The following TRIM67 variants were observed in gnomAD, a reference collection of about 807,000 sequenced individuals.
TRIM67 encodes tripartite motif-containing protein 67.
In TRIM67, 39 loss-of-function variants were observed where a neutral mutation model predicts 71.0. The ratio of observed to expected loss-of-function variants is 0.55; its 90% confidence interval spans 0.43 to 0.72. The LOEUF (loss-of-function observed/expected upper bound fraction) is 0.72. Ranked by LOEUF, TRIM67 falls within the 30% of genes least tolerant of loss-of-function variation. The pLI is 0.00. For synonymous variants in TRIM67, 481 were observed against 473.9 expected, an observed-to-expected ratio of 1.01 and a Z score of -0.19; for missense variants, 973 against 1,079.2, an observed-to-expected ratio of 0.90 and a Z score of 1.38.
intron 1 of TRIM67, among the ~76,000 whole-genome samples, chr1:231,164,912 T>TAATTTATAAGTCATAAATTATAAGTC (rs1682410060): frequency 6.6e-6 from 1 of 152,226 alleles, no homozygotes; most frequent in Admixed American, 6.5e-5. Flanking sequence ...TACGTTGTTA[T>TAATTTATAAGTCATAAATTATAAGTC]TATAATTTAA....
intron 1 of TRIM67, among the ~76,000 whole-genome samples, chr1:231,189,344 C>T (rs12075463): frequency 0.19 from 28,627 of 152,018 alleles, 3,746 homozygotes; most frequent in African/African-American, 0.38. Flanking sequence ...CCTTACATGG[C>T]GAAAGAGCTT....
At chr1:231,203,110 T>G (rs1162599285) in intron 5 of TRIM67, among the ~76,000 whole-genome samples, 1 of 152,106 alleles carries the variant, frequency 6.6e-6, no homozygotes, top group East Asian at 1.9e-4. Flanking sequence ...AATTGAAATA[T>G]GTACTTTTAA....
chr1:231,163,269 C>G lies in TRIM67; in HGVS notation c.300C>G (p.Asp100Glu), dbSNP rs1210947584. Reference sequence around the variant, plus strand: ...CGGGAGGTGGCGGAGACCACGCGGACAAGCTCAGCTTGTACAGCGAGACAG... The same window carrying G: ...CGGGAGGTGGCGGAGACCACGCGGAGAAGCTCAGCTTGTACAGCGAGACAG... ...GGAGGGGDHA[D>E]KLSLYSETDS... Residue 100 changes from aspartate (D) to glutamate (E), a missense_variant, in exon 1 of 10, where the codon GAC becomes GAG. Coordinates refer to ENST00000366653, the MANE Select transcript of TRIM67 (RefSeq NM_001004342.5). 2.6e-6 allele frequency: 4 copies of G among 1,516,218 alleles called. No individual in the cohort carries two copies. The highest frequency in any genetic ancestry group is 3.5e-6 in the Non-Finnish European group (4 of 1,132,068). 93.9% of individuals were successfully genotyped at this position (1,516,218 alleles called of 1,614,324 possible).
At position 231,218,260 on chromosome 1, in the gene TRIM67, G is replaced by A; in HGVS notation, c.*2820G>A. The A allele has an allele frequency of 1.0e-6, 1 of 996,672 alleles. No homozygotes were observed. The highest frequency in any genetic ancestry group is 1.2e-6 in the Non-Finnish European group (1 of 836,704). The allele number at this position is 996,672 out of a possible 1,614,324, so 61.7% of individuals were successfully genotyped here. A position where few individuals can be genotyped will look rare whatever the true frequency, so the allele number is the denominator to read the frequency against. ...ATTCCATAACACGTTACATCATGGT[G>A]GCACATTTGTACATACATATAAATG... On this transcript the variant is annotated 3_prime_UTR_variant, in exon 10 of 10. Transcript: ENST00000366653.
intron 6 of TRIM67, among the ~76,000 whole-genome samples, chr1:231,205,102 A>G (rs141882298): frequency 1.8e-3 from 269 of 152,336 alleles, no homozygotes; most frequent in Non-Finnish European, 3.1e-3. Flanking sequence ...ATGGGAAGAA[A>G]GAAAAGGCTG....
chr1:231,180,764 A>G (rs907411964), intron 1 of TRIM67, among the ~76,000 whole-genome samples: 6 of 152,234 alleles, frequency 3.9e-5, no homozygotes, highest in Admixed American at 2.0e-4. Context: ...GCACAGGGCT[A>G]GTAAGTAAAG....
rs1238450358 is a variant in TRIM67 at position 231,218,208 on chromosome 1, G to A, written c.*2768G>A. On this transcript the variant is annotated 3_prime_UTR_variant, in exon 10 of 10. Coordinates refer to ENST00000366653, the MANE Select transcript of TRIM67 (RefSeq NM_001004342.5). ...GGTTTCAGAGTAGAAATGACAGACA[G>A]GTCATGGAATTCTCATCCACCATCG... 8 of 1,014,082 alleles carry A rather than the reference G, an allele frequency of 7.9e-6. No homozygotes were observed. The highest frequency in any genetic ancestry group is 1.7e-5 in the African/African-American group (1 of 58,842). The allele number at this position is 1,014,082 out of a possible 1,614,324, so 62.8% of individuals were successfully genotyped here. A position where few individuals can be genotyped will look rare whatever the true frequency, so the allele number is the denominator to read the frequency against.
chr1:231,196,501 G>A (rs1683374435), intron 1 of TRIM67, among the ~76,000 whole-genome samples: 1 of 151,508 alleles, frequency 6.6e-6, no homozygotes, highest in Non-Finnish European at 1.5e-5. Flanking sequence ...ACTTGAGCCT[G>A]AGAGGTTGAG....
Position 231,219,005 on chromosome 1 carries a change from C to A in TRIM67, c.*3565C>A, listed in dbSNP as rs139760477. On this transcript the variant is annotated 3_prime_UTR_variant, in exon 10 of 10. Coordinates refer to ENST00000366653, the MANE Select transcript of TRIM67 (RefSeq NM_001004342.5). ...CTCATTGCAAGCGAAAGGCTTGGTC[C>A]CCCTGGGAAGGCGGGTTTCGGCACC... The A allele has an allele frequency of 9.7e-5, 96 of 985,426 alleles. No homozygotes were observed. Among genetic ancestry groups the A allele is most frequent in the South Asian group, 4.2e-4 (9 of 21,278 alleles). The allele number at this position is 985,426 out of a possible 1,614,324, so 61.0% of individuals were successfully genotyped here. A position where few individuals can be genotyped will look rare whatever the true frequency, so the allele number is the denominator to read the frequency against.
intron 8 of TRIM67, among the ~76,000 whole-genome samples, chr1:231,213,185 C>T (rs575060247): frequency 1.3e-5 from 2 of 152,296 alleles, no homozygotes; most frequent in Admixed American, 1.3e-4. Flanking sequence ...GCCTTTCTTA[C>T]CCATTCTCCA....
intron 1 of TRIM67, among the ~76,000 whole-genome samples, chr1:231,194,866 A>G (rs1316665996): frequency 1.3e-5 from 2 of 152,042 alleles, no homozygotes; most frequent in Non-Finnish European, 2.9e-5. Context: ...AAATTTTTTT[A>G]TAGAGAGAGG....
rs555516807 is a variant in TRIM67, at chr1:231,187,807, T to G, written c.1045-9564T>G. Among the ~76,000 whole-genome samples, 14 of 152,276 alleles carry G rather than the reference T, an allele frequency of 9.2e-5. No individual in the cohort carries two copies. In the South Asian group the frequency reaches 2.9e-3, roughly 32 times the overall value. On this transcript the variant is annotated intron_variant, in intron 1 of 9. Transcript: ENST00000366653. ...GGCACAAAGGAGCTGCTGTAGTGCT[T>G]CTGGAGAGAGACCCAGGCAGGCAGA...
At chr1:231,167,589 T>G (rs1682509541) in intron 1 of TRIM67, among the ~76,000 whole-genome samples, 1 of 106,262 alleles carries the variant, frequency 9.4e-6, no homozygotes, top group Non-Finnish European at 1.7e-5. Flanking sequence ...CCCAAAGTGC[T>G]GGGATTACAG....
At chr1:231,186,077 T>C (rs1233180747) in intron 1 of TRIM67, 7 of 1,532,934 alleles carry the variant, frequency 4.6e-6, no homozygotes, top group Non-Finnish European at 6.1e-6. Context: ...AGAACTCACC[T>C]CTCTCCTGAT....
chr1:231,218,560 G>A lies in TRIM67; in HGVS notation c.*3120G>A. ...GCATCCCAGCTCCTAATTCAAAGCAGGGGAAGGTATTTCCCCAAAGCCTGC... is the reference window on the plus strand; with the variant it reads ...GCATCCCAGCTCCTAATTCAAAGCAAGGGAAGGTATTTCCCCAAAGCCTGC... On this transcript the variant is annotated 3_prime_UTR_variant, in exon 10 of 10. Transcript: ENST00000366653. The A allele has an allele frequency of 4.1e-6, 4 of 985,430 alleles. No individual in the cohort carries two copies. The highest frequency in any genetic ancestry group is 4.8e-6 in the Non-Finnish European group (4 of 829,944). The allele number at this position is 985,430 out of a possible 1,614,324, so 61.0% of individuals were successfully genotyped here. A position where few individuals can be genotyped will look rare whatever the true frequency, so the allele number is the denominator to read the frequency against.
chr1:231,189,900 G>A (rs1172096323), intron 1 of TRIM67, among the ~76,000 whole-genome samples: 2 of 152,078 alleles, frequency 1.3e-5, no homozygotes, highest in African/African-American at 2.4e-5. Context: ...AAGGAATGTG[G>A]GTGACCTCTA....
intron 1 of TRIM67, among the ~76,000 whole-genome samples, chr1:231,169,918 T>G (rs1286965396): frequency 6.6e-6 from 1 of 152,146 alleles, no homozygotes; most frequent in Non-Finnish European, 1.5e-5. Context: ...TACCCTATGC[T>G]TAGATTTAAT....
chr1:231,173,171 G>A (rs994979149), intron 1 of TRIM67, among the ~76,000 whole-genome samples: 2 of 152,152 alleles, frequency 1.3e-5, no homozygotes, highest in Admixed American at 6.5e-5. Context: ...ACAAGAGAAA[G>A]AAAATTGACA....
chr1:231,166,228 A>G (rs879015854), intron 1 of TRIM67, among the ~76,000 whole-genome samples: 2 of 152,214 alleles, frequency 1.3e-5, no homozygotes, highest in African/African-American at 4.8e-5. Context: ...GAACACTACA[A>G]GTTACTTTTG....
Sources: allele counts gnomAD v4.1 joint callset (sites outside exome capture counted in the v4.1 genomes callset), GRCh38; gene constraint gnomAD v4.1.1; transcripts MANE v1.5; gene names NCBI Gene and HGNC (gene_info 2026-07-23, HGNC 2026-07-21).